Variants in RPS6KC1 observed in about 807,000 individuals in gnomAD.
RPS6KC1 encodes inactive ribosomal protein S6 kinase delta-1.
A neutral mutation model predicts 103.8 loss-of-function variants in RPS6KC1; 54 were observed. The ratio of observed to expected loss-of-function variants is 0.52; its 90% CI spans 0.42 to 0.65. RPS6KC1 has a LOEUF of 0.65. RPS6KC1 is among the 30% of genes least tolerant of loss of function. The pLI, the probability that RPS6KC1 is intolerant of heterozygous loss-of-function variation, is 0.00. For missense variants in RPS6KC1, 1,151 were observed against 1,253.8 expected (o/e 0.92, Z 1.24); for synonymous variants, 439 against 438.7 (o/e 1.00, Z -0.01).
chr1:213,601,004 G>A, the RPS6KC1 span, among the ~76,000 whole-genome samples: 23 of 152,216 alleles, frequency 1.5e-4, no homozygotes, highest in East Asian at 4.2e-3. Context: ...TCTGGGTGAA[G>A]CCATGCTTTG....
chr1:213,163,713 T>C (rs1463977055), intron 6 of RPS6KC1, among the ~76,000 whole-genome samples: 1 of 152,176 alleles, frequency 6.6e-6, no homozygotes, highest in African/African-American at 2.4e-5. Context: ...GAAAAGGCCA[T>C]TGTTATCCAA....
the RPS6KC1 span, among the ~76,000 whole-genome samples, chr1:213,693,976 G>A: frequency 6.6e-6 from 1 of 152,296 alleles, no homozygotes; most frequent in South Asian, 2.1e-4. Context: ...TCGGTTCAAT[G>A]GCTTCTGCCT....
rs572481393 is a variant in RPS6KC1, at chr1:213,269,504, AAGAT to A, written c.3091-3015_3091-3012del. Among the ~76,000 whole-genome samples the A allele has an allele frequency of 1.2e-3, 183 of 152,236 alleles. 1 individual carries two copies. The highest frequency in any genetic ancestry group is 4.2e-3 in the African/African-American group (175 of 41,570). ...ATCAAGTACACACAAAACAATCTCC[AAGAT>A]AGATCACATGCTAGGCCATAAAACA... On this transcript the variant is annotated intron_variant, in intron 14 of 14. Transcript: ENST00000366960.
intron 8 of RPS6KC1, among the ~76,000 whole-genome samples, chr1:213,226,876 C>A (rs2093976412): frequency 6.6e-6 from 1 of 152,170 alleles, no homozygotes; most frequent in Admixed American, 6.5e-5. Flanking sequence ...TATTTACTCA[C>A]AATATTTCAA....
the RPS6KC1 span, among the ~76,000 whole-genome samples, chr1:213,480,863 C>T: frequency 6.6e-6 from 1 of 152,138 alleles, no homozygotes; most frequent in Admixed American, 6.5e-5. Context: ...TTATAAAATT[C>T]ATATTCTGTA....
chr1:213,598,726 T>C, the RPS6KC1 span, among the ~76,000 whole-genome samples: 1 of 152,056 alleles, frequency 6.6e-6, no homozygotes, highest in Admixed American at 6.6e-5. Flanking sequence ...AAGACTAGCC[T>C]GGCCAACATG....
At chr1:213,363,593 CCTTG>C in the RPS6KC1 span, among the ~76,000 whole-genome samples, 2,866 of 105,392 alleles carry the variant, frequency 0.027, 426 homozygotes, top group African/African-American at 0.063. Flanking sequence ...ATTCTTTAGC[CCTTG>C]CTCGCTCGCT....
At chr1:213,836,813 A>T in the RPS6KC1 span, among the ~76,000 whole-genome samples, 1 of 152,190 alleles carries the variant, frequency 6.6e-6, no homozygotes, top group Non-Finnish European at 1.5e-5. Context: ...TTGATTTTAT[A>T]GCTCACTAAC....
the RPS6KC1 span, among the ~76,000 whole-genome samples, chr1:213,280,276 C>G: frequency 6.6e-6 from 1 of 152,154 alleles, no homozygotes; most frequent in African/African-American, 2.4e-5. Flanking sequence ...TTCAGGCAGT[C>G]TGTCAGAGTT....
chr1:213,162,171 A>G (rs2090535560), intron 6 of RPS6KC1, among the ~76,000 whole-genome samples: 1 of 152,144 alleles, frequency 6.6e-6, no homozygotes, highest in South Asian at 2.1e-4. Context: ...TTTATAAGCC[A>G]TTTGACTTTA....
At chr1:213,182,860 A>ATG (rs1156538623) in intron 8 of RPS6KC1, among the ~76,000 whole-genome samples, 2 of 148,202 alleles carry the variant, frequency 1.3e-5, no homozygotes, top group Non-Finnish European at 3.0e-5. Context: ...CATGATATAT[A>ATG]TGTATATATA....
the RPS6KC1 span, among the ~76,000 whole-genome samples, chr1:213,691,172 C>G: frequency 5.3e-5 from 8 of 152,204 alleles, no homozygotes; most frequent in African/African-American, 1.7e-4. Context: ...AGGGCCACCC[C>G]CAAGGTACCC....
the RPS6KC1 span, among the ~76,000 whole-genome samples, chr1:213,718,494 T>C: frequency 6.6e-6 from 1 of 152,358 alleles, no homozygotes; most frequent in Admixed American, 6.5e-5. Context: ...AGCTCTGTAT[T>C]ATGGAATACA....
chr1:213,810,570 G>C, the RPS6KC1 span, among the ~76,000 whole-genome samples: 3 of 152,314 alleles, frequency 2.0e-5, no homozygotes, highest in African/African-American at 7.2e-5. Flanking sequence ...ACAAAGTAAA[G>C]TTGCAGATAC....
the RPS6KC1 span, among the ~76,000 whole-genome samples, chr1:213,549,787 G>A: frequency 1.3e-5 from 2 of 151,900 alleles, no homozygotes; most frequent in Non-Finnish European, 2.9e-5. Context: ...AAAGAGGATA[G>A]CAATACTATT....
intron 12 of RPS6KC1, among the ~76,000 whole-genome samples, chr1:213,256,380 C>T (rs867559830): frequency 1.2e-4 from 18 of 152,200 alleles, no homozygotes; most frequent in Non-Finnish European, 2.2e-4. Flanking sequence ...GGTGCCACTT[C>T]GTGTCTTGGA....
chr1:213,551,447 C>T, the RPS6KC1 span, among the ~76,000 whole-genome samples: 1 of 152,186 alleles, frequency 6.6e-6, no homozygotes, highest in South Asian at 2.1e-4. Context: ...AGTTGTTTCT[C>T]CCTACTCTCC....
At chr1:213,701,785 TATTA>T in the RPS6KC1 span, among the ~76,000 whole-genome samples, 1 of 152,090 alleles carries the variant, frequency 6.6e-6, no homozygotes. Flanking sequence ...TGGATTTATT[TATTA>T]GAGTCTTCTC....
chr1:213,779,736 A>G, the RPS6KC1 span, among the ~76,000 whole-genome samples: 105 of 152,370 alleles, frequency 6.9e-4, no homozygotes, highest in African/African-American at 2.2e-3. Flanking sequence ...TTGTTATACC[A>G]GACTGACCAG....
Sources: allele counts gnomAD v4.1 joint callset (sites outside exome capture counted in the v4.1 genomes callset), GRCh38; gene constraint gnomAD v4.1.1; transcripts MANE v1.5; gene names NCBI Gene and HGNC (gene_info 2026-07-23, HGNC 2026-07-21).